MGAM2: variants seen among roughly 807,000 people sequenced by gnomAD.
The protein encoded by MGAM2 is probable maltase-glucoamylase 2.
Under a neutral mutation model 96.1 loss-of-function variants are expected in MGAM2, and 98 were observed. The observed-to-expected ratio is 1.02, with a 90% CI of 0.87 to 1.21. MGAM2 has a LOEUF of 1.21. Among genes scored for constraint, MGAM2 ranks in the 50% most tolerant of loss-of-function variants. The probability of loss-of-function intolerance (pLI) is 0.00; values close to 1 mark genes in which losing one functional copy is unlikely to be tolerated. For missense variants in MGAM2, 2,055 were observed against 1,182.4 expected (o/e 1.74, Z -10.82); for synonymous variants, 749 against 414.8 (o/e 1.81, Z -9.79).
At chr7:142,202,191 G>A (rs1188134097) in intron 45 of MGAM2, among the ~76,000 whole-genome samples, 1 of 152,172 alleles carries the variant, frequency 6.6e-6, no homozygotes, top group African/African-American at 2.4e-5. Flanking sequence ...TCAGGACTGG[G>A]GAGAAGCTGA....
intron 3 of MGAM2, among the ~76,000 whole-genome samples, chr7:142,129,550 C>T (rs1011110061): frequency 4.6e-5 from 7 of 151,880 alleles, no homozygotes; most frequent in South Asian, 2.1e-4. Flanking sequence ...GTAGGCCAGG[C>T]GCGGTGGCTC....
intron 47 of MGAM2, 119 bp downstream of exon 47, chr7:142,218,650 T>C (rs1209236658): frequency 5.1e-6 from 3 of 586,392 alleles, no homozygotes; most frequent in Non-Finnish European, 6.0e-6. Flanking sequence ...TATTAGATGG[T>C]TATAAATACG....
chr7:142,152,174 A>G (rs1308926830), intron 15 of MGAM2, among the ~76,000 whole-genome samples: 1 of 149,238 alleles, frequency 6.7e-6, no homozygotes, highest in African/African-American at 2.4e-5. Flanking sequence ...AGATGTTTAA[A>G]AAAAAAAAAA....
intron 45 of MGAM2, among the ~76,000 whole-genome samples, chr7:142,201,849 C>T (rs926620561): frequency 6.6e-6 from 1 of 152,134 alleles, no homozygotes; most frequent in African/African-American, 2.4e-5. Flanking sequence ...AAATAACTTA[C>T]ATTCAAATAA....
In MGAM2 at chr7:142,167,323, T is replaced by A. The variant is rs908715036; in HGVS notation, c.2864T>A (p.Val955Asp). 1.4e-6 allele frequency: 1 copy of A among 702,744 alleles called. No homozygotes were observed. Among genetic ancestry groups the A allele is most frequent in the African/African-American group, 1.7e-5 (1 of 57,240 alleles). The allele number at this position is 702,744 out of a possible 1,614,324, so 43.5% of individuals were successfully genotyped here. ...TACTATGACACCATCCCTAATTATG[T>A]TGCTAGTGATATTCAGTACCTGAAC... ...TCYYDTIPNYVASDIQYLNTS... is the reference protein window; with the variant it reads ...TCYYDTIPNYDASDIQYLNTS... Residue 955 changes from valine to aspartate, a missense_variant, in exon 26 of 48, where the codon GTT becomes GAT. Transcript: ENST00000477922.
In MGAM2 at chr7:142,169,714, A is replaced by G. The variant is rs189907683; in HGVS notation, c.3028-361A>G. Among the ~76,000 whole-genome samples, 26 of 152,216 alleles carry G rather than the reference A, an allele frequency of 1.7e-4. No homozygotes were observed. The East Asian group carries it at 5.0e-3, about 29-fold the overall frequency. On this transcript the variant is annotated intron_variant, in intron 26 of 47. Coordinates refer to ENST00000477922, the MANE Select transcript of MGAM2 (RefSeq NM_001293626.2). ...CTCAATTCCCTAATTCCTAACATGC[A>G]TGCACACACACACACACAAATTTAC...
chr7:142,158,080 C>G lies in MGAM2; in HGVS notation c.2067C>G (p.Pro689=), dbSNP rs1246374816. 1.4e-6 allele frequency: 1 copy of G among 702,500 alleles called. No individual in the cohort carries two copies. The highest frequency in any genetic ancestry group is 2.7e-5 in the East Asian group (1 of 37,278). The allele number at this position is 702,500 out of a possible 1,614,324, so 43.5% of individuals were successfully genotyped here. The part of the protein sequence containing the change: ...AHTRGETVAR[P]LVHEFYQDSA... ...CCCGGGGAGAGACGGTAGCAAGGCC[C>G]CTTGTACATGAGTGAGTTTCCTGAT... is the stretch of plus-strand genomic sequence containing the variant. The change falls in exon 18 of 48, where the codon CCC becomes CCG. Residue 689 remains proline (P), a synonymous_variant. Coordinates refer to ENST00000477922, the MANE Select transcript of MGAM2 (RefSeq NM_001293626.2).
chr7:142,159,184 C>T (rs769176784), intron 19 of MGAM2, 103 bp from the exon 20 acceptor site: 29 of 650,326 alleles, frequency 4.5e-5, no homozygotes, highest in Non-Finnish European at 6.2e-5. Flanking sequence ...TCTCAACCAT[C>T]TCTCAGGATT....
At chr7:142,135,263 A>AT (rs1405464401) in intron 7 of MGAM2, among the ~76,000 whole-genome samples, 2 of 152,246 alleles carry the variant, frequency 1.3e-5, no homozygotes, top group Non-Finnish European at 2.9e-5. Context: ...AAGACAAAAA[A>AT]GCAATAGCTA....
At chr7:142,179,027 T>C (rs1796461287) in intron 32 of MGAM2, among the ~76,000 whole-genome samples, 2 of 152,064 alleles carry the variant, frequency 1.3e-5, no homozygotes, top group South Asian at 4.1e-4. Flanking sequence ...TCTGTTGTTG[T>C]CGTAAATGGG....
chr7:142,160,346 G>T (rs1795852792), intron 21 of MGAM2, 88 bp downstream of exon 21: 1 of 572,286 alleles, frequency 1.7e-6, no homozygotes, highest in Non-Finnish European at 3.1e-6. Context: ...GATTTTTGTG[G>T]ATGAGCCAAG....
chr7:142,165,438 G>A (rs1438398094), intron 24 of MGAM2, among the ~76,000 whole-genome samples: 1 of 152,148 alleles, frequency 6.6e-6, no homozygotes, highest in African/African-American at 2.4e-5. Flanking sequence ...AATGTGAGTG[G>A]AGTAACGCAA....
At chr7:142,147,177 C>T (rs981449200) in intron 14 of MGAM2, among the ~76,000 whole-genome samples, 9 of 152,184 alleles carry the variant, frequency 5.9e-5, no homozygotes, top group Non-Finnish European at 1.2e-4. Context: ...AGATCCACTG[C>T]GTTTGCTCTG....
At position 142,221,845 on chromosome 7, in the gene MGAM2, C is replaced by T; in HGVS notation, c.7334C>T (p.Thr2445Ile). 2.5e-6 allele frequency: 1 copy of T among 400,234 alleles called. No homozygotes were observed. Among genetic ancestry groups the T allele is most frequent in the East Asian group, 3.6e-5 (1 of 28,080 alleles). The allele number at this position is 400,234 out of a possible 1,614,324, so 24.8% of individuals were successfully genotyped here. A position where few individuals can be genotyped will look rare whatever the true frequency, so the allele number is the denominator to read the frequency against. Residue 2445 changes from threonine to isoleucine, a missense_variant, in exon 48 of 48, where the codon ACA becomes ATA. Physicochemically the swap from Thr to Ile is moderately conservative, Grantham distance 89. Coordinates refer to ENST00000477922, the MANE Select transcript of MGAM2 (RefSeq NM_001293626.2). ...TCAAATCTCACAACAGCCTCAGTCACAATAACAGCCACTGGTCTAGATTCA... is the reference window on the plus strand; with the variant it reads ...TCAAATCTCACAACAGCCTCAGTCATAATAACAGCCACTGGTCTAGATTCA... ...SVSNLTTASVTITATGLDSQT... is the reference protein window; with the variant it reads ...SVSNLTTASVIITATGLDSQT...
intron 32 of MGAM2, among the ~76,000 whole-genome samples, chr7:142,176,059 A>G (rs1796364895): frequency 1.3e-5 from 2 of 151,488 alleles, no homozygotes; most frequent in Admixed American, 1.3e-4. Flanking sequence ...CTCTTGGTAA[A>G]GTTAGAACAA....
intron 2 of MGAM2, among the ~76,000 whole-genome samples, chr7:142,117,530 G>A (rs983473042): frequency 4.1e-4 from 62 of 152,266 alleles, no homozygotes; most frequent in African/African-American, 1.4e-3. Flanking sequence ...AATGTGTGTA[G>A]TTCAAAAATG....
At chr7:142,162,401 C>T (rs1795916775) in intron 23 of MGAM2, among the ~76,000 whole-genome samples, 1 of 151,936 alleles carries the variant, frequency 6.6e-6, no homozygotes, top group East Asian at 1.9e-4. Context: ...TGGCCTTTGG[C>T]ACGGGTATAA....
At chr7:142,138,118 TC>T (rs1795114278) in intron 9 of MGAM2, among the ~76,000 whole-genome samples, 1 of 152,108 alleles carries the variant, frequency 6.6e-6, no homozygotes, top group Non-Finnish European at 1.5e-5. Context: ...TCCCATCCAT[TC>T]TTATTCCTTT....
chr7:142,166,494 C>CA (rs1796030834), intron 25 of MGAM2, among the ~76,000 whole-genome samples: 1 of 152,168 alleles, frequency 6.6e-6, no homozygotes, highest in Non-Finnish European at 1.5e-5. Context: ...TAATAATGTA[C>CA]ATTGGGTATG....
Sources: gnomAD v4.1 joint callset for allele counts (sites outside exome capture counted in the v4.1 genomes callset) on GRCh38, gnomAD v4.1.1 for gene constraint, MANE v1.5 for transcripts, NCBI Gene and HGNC (gene_info 2026-07-23, HGNC 2026-07-21) for gene names.